Variants in INVS observed in about 807,000 individuals in gnomAD.
The protein encoded by INVS is inversin.
A neutral mutation model predicts 108.8 loss-of-function variants in INVS; 86 were observed. That is an observed-to-expected ratio of 0.79 (90% confidence interval 0.66 to 0.95). The LOEUF (loss-of-function observed/expected upper bound fraction) is 0.95. Among genes scored for constraint, INVS ranks in the 40% least tolerant of loss-of-function variants. The probability of loss-of-function intolerance (pLI) is 0.00; values close to 1 mark genes in which losing one functional copy is unlikely to be tolerated. For synonymous variants in INVS, 455 were observed against 473.5 expected, an observed-to-expected ratio of 0.96 and a Z score of 0.51; for missense variants, 1,169 against 1,297.4, an observed-to-expected ratio of 0.90 and a Z score of 1.52.
intron 3 of INVS, among the ~76,000 whole-genome samples, chr9:100,171,788 T>C (rs566694800): frequency 2.1e-4 from 32 of 152,282 alleles, no homozygotes; most frequent in African/African-American, 7.7e-4. Flanking sequence ...TATGATTTTC[T>C]CCATGCATCT....
chr9:100,287,275 C>T (rs373516408), intron 13 of INVS, among the ~76,000 whole-genome samples: 3 of 152,162 alleles, frequency 2.0e-5, no homozygotes, highest in East Asian at 1.9e-4. Flanking sequence ...TTTCAGAAAG[C>T]GAAGATAAAA....
At chr9:100,187,768 G>A (rs1449787295) in intron 3 of INVS, among the ~76,000 whole-genome samples, 1 of 151,972 alleles carries the variant, frequency 6.6e-6, no homozygotes, top group Non-Finnish European at 1.5e-5. Context: ...CTCAGGTGAT[G>A]CACAGCCTCC....
chr9:100,276,436 C>T (rs1305811697), intron 12 of INVS, among the ~76,000 whole-genome samples: 1 of 152,194 alleles, frequency 6.6e-6, no homozygotes, highest in Non-Finnish European at 1.5e-5. Flanking sequence ...GTGCTGCTAC[C>T]ATTGATTGTA....
chr9:100,292,296 T>C lies in INVS; in HGVS notation c.2069-30T>C, dbSNP rs754515487. ...GAAAATTATCCTACTCTGCAAGTTT[T>C]GGACAATATTTTTTCTTTGTTTCCT... On this transcript the variant is annotated intron_variant, in intron 13 of 16. Transcript: ENST00000262457. 57 of 1,583,020 alleles carry C rather than the reference T, an allele frequency of 3.6e-5. 3 individuals carry two copies. In the South Asian group the frequency reaches 6.2e-4, roughly 17 times the overall value.
At chr9:100,167,873 C>A (rs1829417320) in intron 3 of INVS, among the ~76,000 whole-genome samples, 1 of 152,118 alleles carries the variant, frequency 6.6e-6, no homozygotes, top group Admixed American at 6.6e-5. Context: ...GGGCAAAAAA[C>A]ATACTATGAG....
At position 100,270,748 on chromosome 9, in the gene INVS, CAAAAAAAAAAAAA is replaced by C. The variant is rs746291227; in HGVS notation, c.1572-2104_1572-2092del. ...GGGCAACAAGAGCAAAACTCCATCT[CAAAAAAAAAAAAA>C]AAAAAAAAAAATTAGCCAGCCTTGG... On this transcript the variant is annotated intron_variant, in intron 11 of 16. Transcript: ENST00000262457. Among the ~76,000 whole-genome samples the C allele has an allele frequency of 4.0e-4, 19 of 47,188 alleles. No homozygotes were observed. The Middle Eastern group carries it at 0.033, about 83-fold the overall frequency. 31.0% of individuals were successfully genotyped at this position (47,188 alleles called of 152,430 possible). A position where few individuals can be genotyped will look rare whatever the true frequency, so the allele number is the denominator to read the frequency against.
At chr9:100,177,279 A>C (rs145029669) in intron 3 of INVS, among the ~76,000 whole-genome samples, 1 of 152,052 alleles carries the variant, frequency 6.6e-6, no homozygotes, top group Non-Finnish European at 1.5e-5. Flanking sequence ...AGAGAGCACC[A>C]TTCTCTCCCC....
intron 12 of INVS, among the ~76,000 whole-genome samples, chr9:100,276,874 T>A (rs1490330009): frequency 1.3e-5 from 2 of 152,180 alleles, no homozygotes; most frequent in Non-Finnish European, 2.9e-5. Context: ...TCCACTTACA[T>A]TTCTAAGTCT....
intron 16 of INVS, among the ~76,000 whole-genome samples, chr9:100,298,743 G>A (rs1169004735): frequency 6.6e-6 from 1 of 152,028 alleles, no homozygotes; most frequent in Non-Finnish European, 1.5e-5. Context: ...CCTGGAGGTG[G>A]GGGACAGAGT....
intron 11 of INVS, among the ~76,000 whole-genome samples, chr9:100,266,026 C>T (rs1163045082): frequency 6.6e-6 from 1 of 152,054 alleles, no homozygotes; most frequent in African/African-American, 2.4e-5. Flanking sequence ...TTGCAGTGAG[C>T]CCGAGATCAT....
At chr9:100,191,120 C>T (rs1435563460) in intron 3 of INVS, among the ~76,000 whole-genome samples, 2 of 152,142 alleles carry the variant, frequency 1.3e-5, no homozygotes, top group Non-Finnish European at 1.5e-5. Context: ...CTCGGCCTCC[C>T]GAAGTGGTAT....
rs908306200 is a variant in INVS, at chr9:100,246,711, T to C, written c.1002T>C (p.Ser334=). 6 of 1,613,890 alleles carry C rather than the reference T, an allele frequency of 3.7e-6. No individual in the cohort carries two copies. Among genetic ancestry groups the C allele is most frequent in the Non-Finnish European group, 5.1e-6 (6 of 1,179,792 alleles). Residue 334 remains serine (S), a synonymous_variant, in exon 8 of 17, where the codon AGT becomes AGC. Transcript: ENST00000262457. ...TTATGTGGGCAGCTGGCAAAGGCAG[T>C]GATGATGTCCTTAGAACTATGCTGA... ...TSFMWAAGKG[S]DDVLRTMLSL...
At chr9:100,156,528 G>A (rs745607658) in intron 3 of INVS, among the ~76,000 whole-genome samples, 4 of 152,000 alleles carry the variant, frequency 2.6e-5, no homozygotes, top group Non-Finnish European at 5.9e-5. Flanking sequence ...CTCCCAAGGT[G>A]CTAGTGTATT....
intron 3 of INVS, among the ~76,000 whole-genome samples, chr9:100,143,006 C>T (rs903610440): frequency 6.6e-6 from 1 of 152,076 alleles, no homozygotes; most frequent in African/African-American, 2.4e-5. Flanking sequence ...AGATAGGTAA[C>T]AGATGAGGAA....
intron 15 of INVS, 40 bp from the exon 16 acceptor site, chr9:100,297,896 C>A: frequency 6.2e-7 from 1 of 1,607,538 alleles, no homozygotes; most frequent in Non-Finnish European, 8.5e-7. Flanking sequence ...CCAAACGTAT[C>A]CCTGGCCAAA....
intron 14 of INVS, among the ~76,000 whole-genome samples, chr9:100,296,417 GAC>G (rs1833793518): frequency 6.6e-6 from 1 of 151,974 alleles, no homozygotes; most frequent in Non-Finnish European, 1.5e-5. Context: ...CGTCACCAAA[GAC>G]ACAGTGCTTC....
chr9:100,194,353 C>T (rs186659469), intron 3 of INVS, among the ~76,000 whole-genome samples: 15 of 152,252 alleles, frequency 9.9e-5, no homozygotes, highest in Admixed American at 6.5e-4. Flanking sequence ...GAGATCTTTT[C>T]GTGTGCTTGT....
chr9:100,256,784 T>G (rs1210745107), intron 10 of INVS, among the ~76,000 whole-genome samples: 1 of 152,170 alleles, frequency 6.6e-6, no homozygotes, highest in African/African-American at 2.4e-5. Flanking sequence ...TGAGAGACAG[T>G]TTGTTGTAAT....
At chr9:100,257,876 A>G (rs1477137200) in intron 10 of INVS, among the ~76,000 whole-genome samples, 4 of 152,108 alleles carry the variant, frequency 2.6e-5, no homozygotes, top group Non-Finnish European at 2.9e-5. Flanking sequence ...GAATCTGACA[A>G]TTATGTGTCT....
Sources: allele counts gnomAD v4.1 joint callset (sites outside exome capture counted in the v4.1 genomes callset), GRCh38; gene constraint gnomAD v4.1.1; transcripts MANE v1.5; gene names NCBI Gene and HGNC (gene_info 2026-07-23, HGNC 2026-07-21).